The following NRXN2 variants were observed in gnomAD, a reference collection of about 807,000 sequenced individuals.
NRXN2 encodes the protein neurexin-2-beta.
A neutral mutation model predicts 128.8 loss-of-function variants in NRXN2; 29 were observed. The ratio of observed to expected loss-of-function variants is 0.23; its 90% CI spans 0.17 to 0.31. NRXN2 has a LOEUF of 0.31. Ranked by LOEUF, NRXN2 falls within the 10% of genes least tolerant of loss-of-function variation. NRXN2 has a pLI of 1.00. For missense variants in NRXN2, 1,881 were observed against 2,452.6 expected (o/e 0.77, Z 4.92); for synonymous variants, 1,098 against 1,075.2 (o/e 1.02, Z -0.41).
chr11:64,652,000 A>G lies in NRXN2; in HGVS notation c.2536+35T>C. On this transcript the variant is annotated intron_variant, in intron 13 of 22. Coordinates refer to ENST00000265459, the MANE Select transcript of NRXN2 (RefSeq NM_015080.4). This position sits in a 1 kb window ranked among gnomAD's most constrained non-coding sequence, Gnocchi z 5.9. Reference sequence around the variant, plus strand: ...AACAGGGCCAAGCATAGGTCACTGGAGATGTGTCCACCTCCCTGGGCCCAG... The same window carrying G: ...AACAGGGCCAAGCATAGGTCACTGGGGATGTGTCCACCTCCCTGGGCCCAG... The G allele has an allele frequency of 1.2e-6, 2 of 1,606,906 alleles. No individual in the cohort carries two copies. Among genetic ancestry groups the G allele is most frequent in the South Asian group, 2.2e-5 (2 of 91,072 alleles).
At chr11:64,643,252 G>T in intron 17 of NRXN2, 2 of 979,884 alleles carry the variant, frequency 2.0e-6, no homozygotes, top group Non-Finnish European at 2.4e-6. Context: ...AAGAGGGACG[G>T]AGACCTGGTT....
chr11:64,662,071 G>T (rs2049102426), intron 9 of NRXN2, among the ~76,000 whole-genome samples: 1 of 149,368 alleles, frequency 6.7e-6, no homozygotes, highest in African/African-American at 2.5e-5. Context: ...TGGCCAACAT[G>T]GTGAAACTCC....
At position 64,648,915 on chromosome 11, in the gene NRXN2, G is replaced by A. The variant is rs755014511; in HGVS notation, c.3110-8C>T. On this transcript the variant is annotated splice_polypyrimidine_tract_variant and splice_region_variant and intron_variant, in intron 15 of 22. Transcript: ENST00000265459. This position sits in a 1 kb window ranked among gnomAD's most constrained non-coding sequence, Gnocchi z 4.1. ...CGCCAATGTACAACTCCCCTGCAAA[G>A]GGAGTGGGTCAACCAAGGCATCCAG... 6.2e-7 allele frequency: 1 copy of A among 1,614,152 alleles called. No individual in the cohort carries two copies. Among genetic ancestry groups the A allele is most frequent in the Non-Finnish European group, 8.5e-7 (1 of 1,180,008 alleles).
At chr11:64,689,338 G>T (rs543560792) in intron 5 of NRXN2, among the ~76,000 whole-genome samples, 3 of 151,742 alleles carry the variant, frequency 2.0e-5, no homozygotes, top group African/African-American at 7.3e-5. Flanking sequence ...TCATAGTGCT[G>T]GGATTACAGG....
chr11:64,719,382 C>T (rs2057376694), intron 1 of NRXN2, among the ~76,000 whole-genome samples: 1 of 152,224 alleles, frequency 6.6e-6, no homozygotes. Context: ...CTCCTCAACT[C>T]TGCTGGTCAA....
At chr11:64,647,979 A>G (rs2135442648) in intron 17 of NRXN2, among the ~76,000 whole-genome samples, 1 of 152,334 alleles carries the variant, frequency 6.6e-6, no homozygotes, top group Admixed American at 6.5e-5. Context: ...AGGAGAGGCC[A>G]TCTATCAGTG....
chr11:64,688,407 A>G (rs983311982), intron 5 of NRXN2: 11 of 985,292 alleles, frequency 1.1e-5, no homozygotes, highest in African/African-American at 1.7e-5. Context: ...TGGAAAGAAA[A>G]CCCGAAGATG....
intron 22 of NRXN2, among the ~76,000 whole-genome samples, chr11:64,613,438 C>T (rs1232959512): frequency 6.6e-6 from 1 of 152,264 alleles, no homozygotes; most frequent in Non-Finnish European, 1.5e-5. Context: ...TCCTGGGAAG[C>T]AAGACTACAT....
rs546153815 is a variant in NRXN2 at position 64,712,742 on chromosome 11, C to A, written c.730+228G>T. The A allele has an allele frequency of 4.7e-4, 314 of 670,922 alleles. 1 individual carries two copies. In the African/African-American group the frequency reaches 5.1e-3, roughly 11 times the overall value. 41.6% of individuals were successfully genotyped at this position (670,922 alleles called of 1,614,324 possible). A position where few individuals can be genotyped will look rare whatever the true frequency, so the allele number is the denominator to read the frequency against. On this transcript the variant is annotated intron_variant, in intron 2 of 22. Coordinates refer to ENST00000265459, the MANE Select transcript of NRXN2 (RefSeq NM_015080.4). ...TGCCCACAGGTCGCCGCAGGACTCACGCTGACCACGCCCAAGCCGGCCCCG... is the reference window on the plus strand; with the variant it reads ...TGCCCACAGGTCGCCGCAGGACTCAAGCTGACCACGCCCAAGCCGGCCCCG...
chr11:64,691,314 A>G (rs2053771025), intron 4 of NRXN2, among the ~76,000 whole-genome samples: 1 of 152,184 alleles, frequency 6.6e-6, no homozygotes, highest in Non-Finnish European at 1.5e-5. Flanking sequence ...AGCAGCACTT[A>G]GGCCTCAGTC....
At chr11:64,641,089 C>T (rs889440411) in intron 17 of NRXN2, among the ~76,000 whole-genome samples, 7 of 151,720 alleles carry the variant, frequency 4.6e-5, no homozygotes, top group Non-Finnish European at 8.8e-5. Flanking sequence ...GAAGGCACAG[C>T]GATGAGAGGG....
intron 7 of NRXN2, among the ~76,000 whole-genome samples, 188 bp from the exon 8 acceptor site, chr11:64,668,792 G>C (rs1418354850): frequency 6.6e-6 from 1 of 152,190 alleles, no homozygotes; most frequent in Non-Finnish European, 1.5e-5. Flanking sequence ...GGCAGCACAA[G>C]ATTTGATGGT....
At position 64,685,766 on chromosome 11, in the gene NRXN2, C is replaced by T. The variant is rs1331736429; in HGVS notation, c.1032G>A (p.Gly344=). Residue 344 remains glycine, a synonymous_variant, in exon 6 of 23, where the codon GGG becomes GGA. Transcript: ENST00000265459. Reference sequence around the variant, plus strand: ...CTAGGTTGATGACCAGCCAGACAGCCCCAGACTTGAGGGACAGGTTGACGT... The same window carrying T: ...CTAGGTTGATGACCAGCCAGACAGCTCCAGACTTGAGGGACAGGTTGACGT... The part of the protein sequence containing the change: ...ADYVNLSLKS[G]AVWLVINLGS... 1 of 1,614,236 alleles carries T rather than the reference C, an allele frequency of 6.2e-7. No homozygotes were observed. Among genetic ancestry groups the T allele is most frequent in the East Asian group, 2.2e-5 (1 of 44,888 alleles).
intron 20 of NRXN2, among the ~76,000 whole-genome samples, chr11:64,624,473 G>A (rs1307871437): frequency 6.6e-6 from 1 of 152,256 alleles, no homozygotes; most frequent in African/African-American, 2.4e-5. Flanking sequence ...AGAGGCAGAG[G>A]GCCAGTGGTA....
chr11:64,702,167 G>A (rs1462100036), intron 2 of NRXN2, among the ~76,000 whole-genome samples: 11 of 149,334 alleles, frequency 7.4e-5, no homozygotes, highest in East Asian at 6.1e-4. Flanking sequence ...CGCCCCGTCC[G>A]GGAGGGAGGT....
chr11:64,681,516 T>C (rs1184488938), intron 6 of NRXN2, among the ~76,000 whole-genome samples: 1 of 152,198 alleles, frequency 6.6e-6, no homozygotes, highest in Non-Finnish European at 1.5e-5. Flanking sequence ...GCATTTAAGC[T>C]GGGCCTGAAG....
At chr11:64,619,930 G>C (rs2042063634) in intron 22 of NRXN2, among the ~76,000 whole-genome samples, 1 of 152,126 alleles carries the variant, frequency 6.6e-6, no homozygotes, top group African/African-American at 2.4e-5. Context: ...CTGGACCCAA[G>C]AACTGATGGG....
Position 64,607,582 on chromosome 11 carries a change from G to T in NRXN2, c.4753C>A (p.Pro1585Thr). ...GGCCTCCGCGGCTCAAAGGACGTGG[G>T]GGCCCCGGGCCCCAAGGGCGGGTTC... is the stretch of plus-strand genomic sequence containing the variant. ...LENPPLGPGA[P>T]TSFEPRRPPP... is the part of the protein sequence containing the mutation. The change falls in exon 23 of 23, where the codon CCC becomes ACC. Residue 1585 changes from proline (P) to threonine (T), a missense_variant. Around this residue, in one of 7 missense-constraint regions of NRXN2, gnomAD observed 310 missense variants for 318.2 expected, o/e 0.97. Coordinates refer to ENST00000265459, the MANE Select transcript of NRXN2 (RefSeq NM_015080.4). 1 of 1,534,386 alleles carries T rather than the reference G, an allele frequency of 6.5e-7. No individual in the cohort carries two copies. Among genetic ancestry groups the T allele is most frequent in the Non-Finnish European group, 8.7e-7 (1 of 1,144,118 alleles).
At chr11:64,644,782 G>A (rs1040419729) in intron 17 of NRXN2, among the ~76,000 whole-genome samples, 2 of 151,954 alleles carry the variant, frequency 1.3e-5, no homozygotes, top group Non-Finnish European at 2.9e-5. Flanking sequence ...GCAGGGGCGG[G>A]TGAAGTGAGA....
Sources: gnomAD v4.1 joint callset for allele counts (sites outside exome capture counted in the v4.1 genomes callset) on GRCh38, gnomAD v4.1.1 for gene constraint, gnomAD v4.1.1 regional missense constraint, Gnocchi (gnomAD v3.1) non-coding constraint, MANE v1.5 for transcripts, NCBI Gene and HGNC (gene_info 2026-07-23, HGNC 2026-07-21) for gene names.